IZUMO2: variants seen among roughly 807,000 people sequenced by gnomAD.
The protein encoded by IZUMO2 is izumo sperm-egg fusion protein 2.
A neutral mutation model predicts 31.2 loss-of-function variants in IZUMO2; 24 were observed. That is an observed-to-expected ratio of 0.77 (90% CI 0.56 to 1.08). The LOEUF is 1.08. Among genes scored for constraint, IZUMO2 ranks in the 50% least tolerant of loss-of-function variants. IZUMO2 has a pLI of 0.00. For synonymous variants in IZUMO2, 144 were observed against 117.3 expected (o/e 1.23, Z -1.47); for missense variants, 278 against 274.0 (o/e 1.01, Z -0.10).
At chr19:50,153,014 C>T (rs1275824566) in intron 6 of IZUMO2, among the ~76,000 whole-genome samples, 1 of 152,178 alleles carries the variant, frequency 6.6e-6, no homozygotes, top group Non-Finnish European at 1.5e-5. Context: ...CAAGTCCCAA[C>T]TCCTAGGACC....
In IZUMO2 at chr19:50,163,061, T is replaced by A. The variant is rs371774253; in HGVS notation, c.134A>T (p.Gln45Leu). ...LRSALIPSRF[Q>L]LEQLQARAGA... is the part of the protein sequence containing the mutation. ...GGCGCGCGCCTGCAGCTGCTCCAAC[T>A]GGAAGCGACTGGGGATGAGGGCGGA... The change falls in exon 1 of 7, where the codon CAG becomes CTG. Residue 45 changes from glutamine to leucine, a missense_variant. Gln to Leu is a moderately radical substitution (Grantham distance 113, BLOSUM62 -2). Coordinates refer to ENST00000293405, the MANE Select transcript of IZUMO2 (RefSeq NM_152358.3). The A allele has an allele frequency of 1.1e-5, 17 of 1,605,398 alleles. No homozygotes were observed. In the African/African-American group the frequency reaches 1.9e-4, roughly 18 times the overall value.
In IZUMO2 at chr19:50,158,096, G is replaced by A. The variant is rs559101673; in HGVS notation, c.496+172C>T. On this transcript the variant is annotated intron_variant, in intron 5 of 6. Transcript: ENST00000293405. ...GGAGTCTTTCCATTTAACAGATGGA[G>A]GAAAGTGAATTTCAGAATACAGGAG... 2.6e-5 allele frequency among the ~76,000 whole-genome samples: 4 copies of A among 152,164 alleles called. No homozygotes were observed. The South Asian group carries it at 6.2e-4, about 24-fold the overall frequency.
rs2030282823 is a variant in IZUMO2 at position 50,158,302 on chromosome 19, G to A, written c.462C>T (p.Ile154=). Residue 154 remains isoleucine (I), a synonymous_variant, in exon 5 of 7, where the codon ATC becomes ATT. Transcript: ENST00000293405. ...EVLDCLHCQR[I]TPKCIHKKYC... is the part of the protein sequence containing the mutation. Reference sequence around the variant, plus strand: ...ACTTTTTGTGGATACACTTGGGAGTGATCCTCTGGCAATGTAAACAGTCCA... The same window carrying A: ...ACTTTTTGTGGATACACTTGGGAGTAATCCTCTGGCAATGTAAACAGTCCA... 6.2e-7 allele frequency: 1 copy of A among 1,612,280 alleles called. No individual in the cohort carries two copies. The highest frequency in any genetic ancestry group is 1.3e-5 in the African/African-American group (1 of 74,788).
intron 5 of IZUMO2, among the ~76,000 whole-genome samples, chr19:50,157,397 T>C (rs2030246950): frequency 6.6e-6 from 1 of 150,656 alleles, no homozygotes; most frequent in South Asian, 2.1e-4. Context: ...CCACCTCCTA[T>C]ATTCAAGCGA....
At position 50,162,813 on chromosome 19, in the gene IZUMO2, T is replaced by A. The variant is rs781453956; in HGVS notation, c.233A>T (p.Glu78Val). The A allele has an allele frequency of 1.2e-6, 2 of 1,613,500 alleles. No homozygotes were observed. The highest frequency in any genetic ancestry group is 1.7e-6 in the Non-Finnish European group (2 of 1,179,826). The change falls in exon 2 of 7, where the codon GAG becomes GTG. Residue 78 changes from glutamate to valine, a missense_variant and splice_region_variant. Transcript: ENST00000293405. ...CGCCACAAGGTCCAGTTGATTTGTC[T>A]CTGGGGGGAGAAGGGAGAGGACACT... ...YALNVFVGKV[E>V]TNQLDLVASF...
chr19:50,158,231 G>T, intron 5 of IZUMO2, 37 bp downstream of exon 5: 1 of 1,379,432 alleles, frequency 7.2e-7, no homozygotes, highest in Non-Finnish European at 1.0e-6. Context: ...TCTCTTGCAC[G>T]CCTGTCCCAT....
In IZUMO2 at chr19:50,157,430, G is replaced by A. The variant is rs369443162; in HGVS notation, c.496+838C>T. Among the ~76,000 whole-genome samples, 13 of 151,144 alleles carry A rather than the reference G, an allele frequency of 8.6e-5. No individual in the cohort carries two copies. In the East Asian group the frequency reaches 9.9e-4, roughly 12 times the overall value. Reference sequence around the variant, plus strand: ...CGATTCTCCTGCCCCAGCCTCCTGAGTAGCTGGGATTACAGGTGCCTGCCA... The same window carrying A: ...CGATTCTCCTGCCCCAGCCTCCTGAATAGCTGGGATTACAGGTGCCTGCCA... On this transcript the variant is annotated intron_variant, in intron 5 of 6. Transcript: ENST00000293405.
chr19:50,155,337 G>A (rs1248010228), intron 5 of IZUMO2, among the ~76,000 whole-genome samples: 2 of 152,186 alleles, frequency 1.3e-5, no homozygotes, highest in East Asian at 3.9e-4. Flanking sequence ...GGTTGAGGCT[G>A]CCGTGAGCCG....
intron 2 of IZUMO2, among the ~76,000 whole-genome samples, chr19:50,162,272 G>A (rs780883084): frequency 6.6e-6 from 1 of 151,824 alleles, no homozygotes; most frequent in Non-Finnish European, 1.5e-5. Context: ...GACAGGGCGA[G>A]ACCGTCTCAA....
chr19:50,159,403 T>C, intron 3 of IZUMO2, 91 bp downstream of exon 3: 1 of 1,236,270 alleles, frequency 8.1e-7, no homozygotes. Flanking sequence ...ATAGGGGAGG[T>C]GAAGAAGGAG....
In IZUMO2 at chr19:50,154,264, G is replaced by GTTTTTTTGTTTTTTTTTT. The variant is rs2030129784; in HGVS notation, c.623+335_623+336insAAAAAAAAAACAAAAAAA. On this transcript the variant is annotated intron_variant, in intron 6 of 6. Coordinates refer to ENST00000293405, the MANE Select transcript of IZUMO2 (RefSeq NM_152358.3). The stretch of plus-strand genomic sequence containing the variant: ...GCATCCACCAAATATAACTTTTAGC[G>GTTTTTTTGTTTTTTTTTT]TTTTTTTTTTTTTTTTTTTTTTTTT... 1.4e-4 allele frequency among the ~76,000 whole-genome samples: 11 copies of GTTTTTTTGTTTTTTTTTT among 79,280 alleles called. 5 individuals are homozygous for GTTTTTTTGTTTTTTTTTT. Among genetic ancestry groups the GTTTTTTTGTTTTTTTTTT allele is most frequent in the Admixed American group, 3.5e-4 (2 of 5,772 alleles). The allele number at this position is 79,280 out of a possible 152,430, so 52.0% of individuals were successfully genotyped here. A position where few individuals can be genotyped will look rare whatever the true frequency, so the allele number is the denominator to read the frequency against.
intron 1 of IZUMO2, 36 bp downstream of exon 1, chr19:50,162,927 G>A (rs756555026): frequency 1.2e-6 from 2 of 1,609,450 alleles, no homozygotes; most frequent in Admixed American, 1.7e-5. Flanking sequence ...GGCATCCCTC[G>A]CCCAGCCCCG....
Position 50,153,737 on chromosome 19 carries a change from G to A in IZUMO2, c.623+863C>T, listed in dbSNP as rs188418827. 547 of 151,708 alleles carry A rather than the reference G, an allele frequency of 3.6e-3. 2 individuals carry two copies. In the Middle Eastern group the frequency reaches 0.045, roughly 12 times the overall value. The allele number at this position is 151,708 out of a possible 1,614,324, so 9.4% of individuals were successfully genotyped here. ...GAATCGCTTGAACCTGAGAGGCAGCGGTTGCAGTGAGCCAAGGTCGCAAGA... is the reference window on the plus strand; with the variant it reads ...GAATCGCTTGAACCTGAGAGGCAGCAGTTGCAGTGAGCCAAGGTCGCAAGA... On this transcript the variant is annotated intron_variant, in intron 6 of 6. Coordinates refer to ENST00000293405, the MANE Select transcript of IZUMO2 (RefSeq NM_152358.3).
chr19:50,157,302 C>CT (rs59138628), intron 5 of IZUMO2, among the ~76,000 whole-genome samples: 77 of 108,768 alleles, frequency 7.1e-4, no homozygotes, highest in African/African-American at 2.3e-3. Context: ...ATTCATTATA[C>CT]TTTTTTTTTT....
At chr19:50,156,053 CG>C (rs1230506763) in intron 5 of IZUMO2, among the ~76,000 whole-genome samples, 1 of 152,078 alleles carries the variant, frequency 6.6e-6, no homozygotes, top group African/African-American at 2.4e-5. Flanking sequence ...GCCCTACATC[CG>C]TATTTTCTAA....
At chr19:50,157,246 G>A (rs948572999) in intron 5 of IZUMO2, among the ~76,000 whole-genome samples, 2 of 151,886 alleles carry the variant, frequency 1.3e-5, no homozygotes, top group East Asian at 3.9e-4. Context: ...GGAACAGCAT[G>A]TGAAAAGATC....
At position 50,158,331 on chromosome 19, in the gene IZUMO2, C is replaced by A; in HGVS notation, c.433G>T (p.Val145Leu). 1.2e-6 allele frequency: 2 copies of A among 1,610,810 alleles called. No homozygotes were observed. The highest frequency in any genetic ancestry group is 1.7e-6 in the Non-Finnish European group (2 of 1,178,082). Residue 145 changes from valine to leucine, a missense_variant, in exon 5 of 7, where the codon GTG becomes TTG. Physicochemically the swap from Val to Leu is conservative, Grantham distance 32. Coordinates refer to ENST00000293405, the MANE Select transcript of IZUMO2 (RefSeq NM_152358.3). Reference protein sequence around the residue: ...PKLCRLLKEEVLDCLHCQRIT... With the variant: ...PKLCRLLKEELLDCLHCQRIT... ...CTCTGGCAATGTAAACAGTCCAACA[C>A]CTCTTCTTTTAGCAAGCCTAGGCAA...
Position 50,163,258 on chromosome 19 carries a change from G to T in IZUMO2, c.-64C>A. On this transcript the variant is annotated 5_prime_UTR_variant, in exon 1 of 7. Coordinates refer to ENST00000293405, the MANE Select transcript of IZUMO2 (RefSeq NM_152358.3). ...GCCCCGCCTCCCAGGCGAGGGCGCG[G>T]TCAGGAGGCCCAGGGAGCATCACGG... 1 of 1,239,454 alleles carries T rather than the reference G, an allele frequency of 8.1e-7. No individual in the cohort carries two copies. The highest frequency in any genetic ancestry group is 1.3e-5 in the South Asian group (1 of 75,748). 76.8% of individuals were successfully genotyped at this position (1,239,454 alleles called of 1,614,324 possible).
At chr19:50,159,295 T>C (rs750297469) in intron 3 of IZUMO2, 45 bp from the exon 4 acceptor site, 53 of 1,600,154 alleles carry the variant, frequency 3.3e-5, no homozygotes, top group African/African-American at 1.3e-5. Context: ...GGATGGCAAC[T>C]TGATAATTTA....
Sources: gnomAD v4.1 joint callset for allele counts (sites outside exome capture counted in the v4.1 genomes callset) on GRCh38, gnomAD v4.1.1 for gene constraint, MANE v1.5 for transcripts, NCBI Gene and HGNC (gene_info 2026-07-23, HGNC 2026-07-21) for gene names.